Variants in CTTN observed in about 807,000 individuals in gnomAD.
CTTN encodes the protein cortactin, also known as src substrate cortactin.
In CTTN, 28 loss-of-function variants were observed where a neutral mutation model predicts 84.0. That is an observed-to-expected ratio of 0.33 (90% CI 0.25 to 0.46). The LOEUF is 0.46. Among genes scored for constraint, CTTN ranks in the 20% least tolerant of loss-of-function variants. CTTN has a pLI of 1.00. For synonymous variants in CTTN, 301 were observed against 288.8 expected (o/e 1.04, Z -0.43); for missense variants, 641 against 723.8 (o/e 0.89, Z 1.31).
In CTTN at chr11:70,420,736, C is replaced by T. The variant is rs534169931; in HGVS notation, c.790+226C>T. 4.6e-5 allele frequency among the ~76,000 whole-genome samples: 7 copies of T among 152,288 alleles called. No homozygotes were observed. The South Asian group carries it at 1.0e-3, about 23-fold the overall frequency. ...TGGTACCCCAGAGAGCTGGGTTTAC[C>T]TGGAAGTGGGTTGCACGGGCCAAGC... On this transcript the variant is annotated intron_variant, in intron 10 of 17. Transcript: ENST00000301843.
rs570391309 is a variant in CTTN, at chr11:70,401,833, CAGAAAAAAAAA to C, written c.-98+3230_-98+3240del. 6.7e-3 allele frequency among the ~76,000 whole-genome samples: 996 copies of C among 148,150 alleles called. 11 individuals carry two copies. Among genetic ancestry groups the C allele is most frequent in the African/African-American group, 0.024 (959 of 40,166 alleles). ...TGGGCCACAGTGCAAGACCCTGTCT[CAGAAAAAAAAA>C]AGAAAAAAAAGGCTGGTGGGGGGCT... is the stretch of plus-strand genomic sequence containing the variant. On this transcript the variant is annotated intron_variant, in intron 1 of 17. Transcript: ENST00000301843.
intron 12 of CTTN, 44 bp downstream of exon 12, chr11:70,423,039 G>A (rs1308529180): frequency 6.2e-7 from 1 of 1,612,018 alleles, no homozygotes; most frequent in Admixed American, 1.7e-5. Context: ...TGCCTGCAGG[G>A]GCTCTTGGTG....
chr11:70,411,647 G>A (rs1331998284), intron 5 of CTTN, among the ~76,000 whole-genome samples: 1 of 152,204 alleles, frequency 6.6e-6, no homozygotes, highest in Non-Finnish European at 1.5e-5. Context: ...AGGAGAGCCT[G>A]GTAGGGAAGC....
At position 70,420,387 on chromosome 11, in the gene CTTN, A is replaced by C; in HGVS notation, c.680-13A>C. Reference sequence around the variant, plus strand: ...TGTTAATGATGGGTTCTGGCCTTTCATTGTGCATGTAGACTATGTGAAAGG... The same window carrying C: ...TGTTAATGATGGGTTCTGGCCTTTCCTTGTGCATGTAGACTATGTGAAAGG... On this transcript the variant is annotated splice_polypyrimidine_tract_variant and intron_variant, in intron 9 of 17. Coordinates refer to ENST00000301843, the MANE Select transcript of CTTN (RefSeq NM_005231.4). 1 of 1,591,366 alleles carries C rather than the reference A, an allele frequency of 6.3e-7. No homozygotes were observed. The highest frequency in any genetic ancestry group is 8.6e-7 in the Non-Finnish European group (1 of 1,159,124).
chr11:70,432,126 G>T (rs111403032), intron 15 of CTTN, among the ~76,000 whole-genome samples: 1 of 152,142 alleles, frequency 6.6e-6, no homozygotes, highest in Non-Finnish European at 1.5e-5. Flanking sequence ...GTCACCACCC[G>T]ACTGTCCCTC....
In CTTN at chr11:70,424,158, G is replaced by A. The variant is rs530394451; in HGVS notation, c.957+1163G>A. Among the ~76,000 whole-genome samples the A allele has an allele frequency of 3.3e-5, 5 of 152,250 alleles. No homozygotes were observed. In the South Asian group the frequency reaches 8.3e-4, roughly 25 times the overall value. ...GCAGAGTTGGGAGGGGAGTAGGCACGCGGTCAGAGGACACTGGGCAGGGGG... is the reference window on the plus strand; with the variant it reads ...GCAGAGTTGGGAGGGGAGTAGGCACACGGTCAGAGGACACTGGGCAGGGGG... On this transcript the variant is annotated intron_variant, in intron 12 of 17. Coordinates refer to ENST00000301843, the MANE Select transcript of CTTN (RefSeq NM_005231.4).
In CTTN at chr11:70,432,304, C is replaced by A. The variant is rs114733922; in HGVS notation, c.1267-797C>A. Reference sequence around the variant, plus strand: ...CCGACCCTGCCCCTCCCGTGCAGTTCAGCCCTTGTGTGGTTCCTGGTGCCT... The same window carrying A: ...CCGACCCTGCCCCTCCCGTGCAGTTAAGCCCTTGTGTGGTTCCTGGTGCCT... On this transcript the variant is annotated intron_variant, in intron 15 of 17. Transcript: ENST00000301843. Among the ~76,000 whole-genome samples the A allele has an allele frequency of 2.5e-3, 386 of 152,324 alleles. 3 individuals carry two copies. Among genetic ancestry groups the A allele is most frequent in the African/African-American group, 8.8e-3 (364 of 41,572 alleles).
At chr11:70,409,255 G>C (rs2058075006) in intron 4 of CTTN, among the ~76,000 whole-genome samples, 1 of 152,164 alleles carries the variant, frequency 6.6e-6, no homozygotes. Flanking sequence ...TGACAGCTGT[G>C]TCTGGCCTAC....
In CTTN at chr11:70,436,308, G is replaced by A. The variant is rs753686629; in HGVS notation, c.*1146G>A. On this transcript the variant is annotated 3_prime_UTR_variant, in exon 18 of 18. Transcript: ENST00000301843. ...AAACTCATCTCCTTCCTGAGGAGCC[G>A]GGAGGCTGGACCAGTCCCGTCGTGC... 75 of 1,598,120 alleles carry A rather than the reference G, an allele frequency of 4.7e-5. No homozygotes were observed. The highest frequency in any genetic ancestry group is 6.7e-5 in the Admixed American group (4 of 59,976).
intron 1 of CTTN, among the ~76,000 whole-genome samples, chr11:70,401,231 G>A (rs1008922907): frequency 6.6e-6 from 1 of 152,112 alleles, no homozygotes; most frequent in African/African-American, 2.4e-5. Context: ...AGCACTTTGG[G>A]AGGCTGAGGT....
chr11:70,427,639 G>T (rs974025853), intron 13 of CTTN, among the ~76,000 whole-genome samples: 1 of 152,264 alleles, frequency 6.6e-6, no homozygotes, highest in Admixed American at 6.5e-5. Flanking sequence ...GGTCCTGCAG[G>T]CCGGCTCCTC....
intron 13 of CTTN, among the ~76,000 whole-genome samples, chr11:70,427,737 C>G (rs547364455): frequency 1.3e-5 from 2 of 152,300 alleles, no homozygotes; most frequent in African/African-American, 4.8e-5. Context: ...GAGTTGTGCT[C>G]GTCTTCCAGT....
At chr11:70,420,254 A>T in intron 9 of CTTN, 146 bp from the exon 10 acceptor site, 1 of 653,558 alleles carries the variant, frequency 1.5e-6, no homozygotes, top group Non-Finnish European at 2.8e-6. Context: ...CTCTTCATGG[A>T]TGTTATCTAA....
Position 70,436,411 on chromosome 11 carries a change from C to G in CTTN, c.*1249C>G, listed in dbSNP as rs756553535. 8 of 1,597,646 alleles carry G rather than the reference C, an allele frequency of 5.0e-6. No individual in the cohort carries two copies. Among genetic ancestry groups the G allele is most frequent in the Non-Finnish European group, 6.8e-6 (8 of 1,179,506 alleles). ...CTTGGGTCCCGGAGTGCCCGTGAAG[C>G]GTGTTTTTGCTCCTGAGGTGCATTT... On this transcript the variant is annotated 3_prime_UTR_variant, in exon 18 of 18. Transcript: ENST00000301843.
chr11:70,409,326 C>T (rs2058075504), intron 4 of CTTN, among the ~76,000 whole-genome samples: 1 of 152,122 alleles, frequency 6.6e-6, no homozygotes, highest in South Asian at 2.1e-4. Flanking sequence ...TTTTTAATGG[C>T]ATTTAGATGT....
chr11:70,434,986 G>T, intron 17 of CTTN, 40 bp from the exon 18 acceptor site: 1 of 1,608,256 alleles, frequency 6.2e-7, no homozygotes, highest in South Asian at 1.1e-5. Context: ...ACCAGGAAAC[G>T]CTTGCACTTC....
rs781005542 is a variant in CTTN, at chr11:70,414,676, G to A, written c.402+24G>A. On this transcript the variant is annotated intron_variant, in intron 6 of 17. Coordinates refer to ENST00000301843, the MANE Select transcript of CTTN (RefSeq NM_005231.4). ...AGGTGAGTGATGTGGCACTGGGACTGGGGCAGGTTGGGGCAAGGGGGGCGT... is the reference window on the plus strand; with the variant it reads ...AGGTGAGTGATGTGGCACTGGGACTAGGGCAGGTTGGGGCAAGGGGGGCGT... 3.2e-6 allele frequency: 5 copies of A among 1,557,144 alleles called. No individual in the cohort carries two copies. The South Asian group carries it at 5.6e-5, about 17-fold the overall frequency.
At chr11:70,433,017 G>C (rs1267608587) in intron 15 of CTTN, 84 bp from the exon 16 acceptor site, 1 of 1,425,812 alleles carries the variant, frequency 7.0e-7, no homozygotes, top group East Asian at 2.3e-5. Context: ...TGGCCCGTGG[G>C]TTTCTGCTGG....
chr11:70,410,186 T>C, intron 5 of CTTN: 1 of 464,310 alleles, frequency 2.2e-6, no homozygotes, highest in Non-Finnish European at 3.9e-6. Flanking sequence ...GCACGGGTGT[T>C]AGTGGGGAGG....
Sources: allele counts gnomAD v4.1 joint callset (sites outside exome capture counted in the v4.1 genomes callset), GRCh38; gene constraint gnomAD v4.1.1; transcripts MANE v1.5; gene names NCBI Gene and HGNC (gene_info 2026-07-23, HGNC 2026-07-21).